CA13: variants seen among roughly 807,000 people sequenced by gnomAD.
CA13 encodes the protein CA-XIII.
In CA13, 21 loss-of-function variants were observed where a neutral mutation model predicts 31.5. The ratio of observed to expected loss-of-function variants is 0.67; its 90% CI spans 0.47 to 0.96. CA13 has a LOEUF of 0.96. Ranked by LOEUF, CA13 falls within the 40% of genes least tolerant of loss-of-function variation. The pLI is 0.00. For synonymous variants in CA13, 117 were observed against 111.4 expected, an observed-to-expected ratio of 1.05 and a Z score of -0.32; for missense variants, 315 against 318.9, an observed-to-expected ratio of 0.99 and a Z score of 0.09.
At chr8:85,276,355 T>C (rs1276280787) in intron 6 of CA13, among the ~76,000 whole-genome samples, 1 of 152,140 alleles carries the variant, frequency 6.6e-6, no homozygotes, top group Non-Finnish European at 1.5e-5. Flanking sequence ...AAACGATCGC[T>C]GCCCCCTGCT....
chr8:85,260,447 C>T (rs1305810754), intron 3 of CA13, among the ~76,000 whole-genome samples: 1 of 152,194 alleles, frequency 6.6e-6, no homozygotes, highest in African/African-American at 2.4e-5. Flanking sequence ...GGTTACTGAG[C>T]TGTAGAGTTT....
chr8:85,261,729 G>GTA lies in CA13; in HGVS notation c.354+2204_354+2205dup, dbSNP rs149281480. Among the ~76,000 whole-genome samples, 738 of 150,438 alleles carry GTA rather than the reference G, an allele frequency of 4.9e-3. 1 individual carries two copies. The highest frequency in any genetic ancestry group is 0.011 in the African/African-American group (468 of 41,158). On this transcript the variant is annotated intron_variant, in intron 3 of 6. Coordinates refer to ENST00000321764, the MANE Select transcript of CA13 (RefSeq NM_198584.3). The stretch of plus-strand genomic sequence containing the variant: ...GCGTGAGCCACCGCGCCCGGCCAGT[G>GTA]TATATATATATATATGTTTGTTTGT...
intron 6 of CA13, among the ~76,000 whole-genome samples, chr8:85,276,273 C>T (rs553189473): frequency 2.0e-5 from 3 of 152,302 alleles, no homozygotes; most frequent in Non-Finnish European, 4.4e-5. Context: ...GGGCAGGGCT[C>T]GGGACCTGCA....
intron 1 of CA13, chr8:85,246,678 G>T (rs1181286192): frequency 2.9e-6 from 1 of 346,478 alleles, no homozygotes; most frequent in Non-Finnish European, 5.7e-6. Context: ...ACGTTAAACT[G>T]AACTGATTGT....
chr8:85,268,711 TTC>T, intron 6 of CA13, 84 bp downstream of exon 6: 1 of 1,188,190 alleles, frequency 8.4e-7, no homozygotes, highest in Non-Finnish European at 1.2e-6. Context: ...TGCCCTTAAT[TTC>T]TACTGTGTTT....
chr8:85,253,680 T>C (rs1310553543), intron 2 of CA13, among the ~76,000 whole-genome samples: 1 of 152,196 alleles, frequency 6.6e-6, no homozygotes, highest in Non-Finnish European at 1.5e-5. Context: ...TGTTCAACTA[T>C]ATTTCTTTCA....
intron 1 of CA13, among the ~76,000 whole-genome samples, chr8:85,247,277 G>C (rs914773543): frequency 1.6e-4 from 24 of 152,058 alleles, no homozygotes; most frequent in African/African-American, 5.5e-4. Flanking sequence ...GAAGAAGAAG[G>C]GTATTTCAAT....
At chr8:85,254,442 C>T (rs1298203700) in intron 2 of CA13, among the ~76,000 whole-genome samples, 1 of 152,132 alleles carries the variant, frequency 6.6e-6, no homozygotes, top group Non-Finnish European at 1.5e-5. Flanking sequence ...TTCTCTCTCT[C>T]TCTCTTCTGT....
At chr8:85,267,458 CT>C in intron 4 of CA13, 4 of 263,410 alleles carry the variant, frequency 1.5e-5, no homozygotes, top group Non-Finnish European at 2.4e-5. Flanking sequence ...GATTTGGGAC[CT>C]CAAATCATTT....
At chr8:85,247,672 C>T (rs1338542741) in intron 1 of CA13, among the ~76,000 whole-genome samples, 6 of 152,146 alleles carry the variant, frequency 3.9e-5, no homozygotes, top group African/African-American at 1.2e-4. Context: ...TGGGTTCAAG[C>T]GATTCTCCAG....
At chr8:85,251,016 T>G in intron 2 of CA13, 79 bp downstream of exon 2, 1 of 1,226,608 alleles carries the variant, frequency 8.2e-7, no homozygotes. Context: ...TTTTTTTTTT[T>G]TTTTGAGACA....
At position 85,245,498 on chromosome 8, in the gene CA13, C is replaced by G. The variant is rs1434019941; in HGVS notation, c.-331C>G. On this transcript the variant is annotated 5_prime_UTR_variant, in exon 1 of 7. Coordinates refer to ENST00000321764, the MANE Select transcript of CA13 (RefSeq NM_198584.3). ...GTCCTCTAGGCAACACTTTCCTCTCCCGAGTGACGACTCCTCAGAAGGCAG... is the reference window on the plus strand; with the variant it reads ...GTCCTCTAGGCAACACTTTCCTCTCGCGAGTGACGACTCCTCAGAAGGCAG... 11 of 341,672 alleles carry G rather than the reference C, an allele frequency of 3.2e-5. No homozygotes were observed. The highest frequency in any genetic ancestry group is 1.6e-5 in the Non-Finnish European group (3 of 186,074). 21.2% of individuals were successfully genotyped at this position (341,672 alleles called of 1,614,324 possible). A position where few individuals can be genotyped will look rare whatever the true frequency, so the allele number is the denominator to read the frequency against.
chr8:85,259,497 C>T lies in CA13; in HGVS notation c.312C>T (p.His104=), dbSNP rs761827389. 6.7e-5 allele frequency: 108 copies of T among 1,613,850 alleles called. No homozygotes were observed. The highest frequency in any genetic ancestry group is 1.8e-4 in the East Asian group (8 of 44,894). The change falls in exon 3 of 7, where the codon CAC becomes CAT. Residue 104 remains histidine, a synonymous_variant. Coordinates refer to ENST00000321764, the MANE Select transcript of CA13 (RefSeq NM_198584.3). ...TTCACTGGGGGTCCGCTGATGACCA[C>T]GGCTCCGAGCACATAGTAGATGGAG... ...VHLHWGSADD[H]GSEHIVDGVS...
Position 85,278,834 on chromosome 8 carries a change from G to C in CA13, c.670-2396G>C, listed in dbSNP as rs112162781. Among the ~76,000 whole-genome samples, 3 of 152,296 alleles carry C rather than the reference G, an allele frequency of 2.0e-5. 1 individual carries two copies. The highest frequency in any genetic ancestry group is 7.2e-5 in the African/African-American group (3 of 41,556). On this transcript the variant is annotated intron_variant, in intron 6 of 6. Transcript: ENST00000321764. ...GAAAACAAGTTTCTCTGTGGTTAGT[G>C]CATGGCTTGTCAAGATGGCTTATTT...
At chr8:85,273,843 G>C (rs533103270) in intron 6 of CA13, among the ~76,000 whole-genome samples, 1 of 152,178 alleles carries the variant, frequency 6.6e-6, no homozygotes, top group Admixed American at 6.5e-5. Flanking sequence ...GGAGCAACAC[G>C]CTGTTTTAAC....
intron 2 of CA13, among the ~76,000 whole-genome samples, chr8:85,255,646 G>A (rs1213818346): frequency 6.6e-6 from 1 of 152,134 alleles, no homozygotes; most frequent in Non-Finnish European, 1.5e-5. Flanking sequence ...CCAAAGTGCT[G>A]GGATTATAGG....
chr8:85,273,118 GA>G (rs1400887201), intron 6 of CA13, among the ~76,000 whole-genome samples: 1 of 152,176 alleles, frequency 6.6e-6, no homozygotes, highest in Non-Finnish European at 1.5e-5. Flanking sequence ...GTGCCCAGCT[GA>G]GTAAAGTACT....
intron 1 of CA13, among the ~76,000 whole-genome samples, chr8:85,249,494 C>CAAA (rs375419895): frequency 1.6e-5 from 2 of 127,732 alleles, no homozygotes; most frequent in African/African-American, 3.0e-5. Context: ...GACCCTGTCT[C>CAAA]AAAAAAAAAA....
rs780750472 is a variant in CA13 at position 85,250,748 on chromosome 8, C to T, written c.46C>T (p.His16Tyr). 1.9e-6 allele frequency: 3 copies of T among 1,608,292 alleles called. No homozygotes were observed. The highest frequency in any genetic ancestry group is 2.6e-6 in the Non-Finnish European group (3 of 1,174,854). The change falls in exon 2 of 7, where the codon CAC becomes TAC. Residue 16 changes from histidine (H) to tyrosine (Y), a missense_variant. Physicochemically the swap from His to Tyr is moderately conservative, Grantham distance 83 (BLOSUM62 2). Coordinates refer to ENST00000321764, the MANE Select transcript of CA13 (RefSeq NM_198584.3). ...WGYREHNGPI[H>Y]WKEFFPIADG... ...GGTCCTATATATTTAAGGTCCTATT[C>T]ACTGGAAGGAATTTTTCCCTATTGC...
Sources: allele counts gnomAD v4.1 joint callset (sites outside exome capture counted in the v4.1 genomes callset), GRCh38; gene constraint gnomAD v4.1.1; transcripts MANE v1.5; gene names NCBI Gene and HGNC (gene_info 2026-07-23, HGNC 2026-07-21).